HIVEP1: variants seen among roughly 807,000 people sequenced by gnomAD.
HIVEP1 encodes zinc finger protein 40.
HIVEP1 carries 36 observed loss-of-function variants against 180.0 expected under a neutral mutation model. The observed-to-expected ratio is 0.20, with a 90% CI of 0.15 to 0.26. The LOEUF is 0.26. Among genes scored for constraint, HIVEP1 ranks in the 10% least tolerant of loss-of-function variants. The pLI is 1.00. For missense variants in HIVEP1, 3,143 were observed against 3,268.7 expected, an observed-to-expected ratio of 0.96 and a Z score of 0.94; for synonymous variants, 1,239 against 1,239.0, an observed-to-expected ratio of 1.00 and a Z score of 0.00.
chr6:12,108,153 T>C (rs1165643038), intron 3 of HIVEP1, among the ~76,000 whole-genome samples: 1 of 152,098 alleles, frequency 6.6e-6, no homozygotes, highest in African/African-American at 2.4e-5. Context: ...AGTAGCTAGA[T>C]ACAGAGTGTC....
chr6:12,037,877 C>CT (rs754239009), intron 2 of HIVEP1: 12,782 of 315,240 alleles, frequency 0.041, no homozygotes, highest in East Asian at 0.052. Context: ...TGCCTAGCTA[C>CT]TTTTTTTTTT....
chr6:12,120,850 T>A lies in HIVEP1; in HGVS notation c.1055T>A (p.Met352Lys), dbSNP rs768866653. The A allele has an allele frequency of 1.2e-5, 19 of 1,614,156 alleles. No individual in the cohort carries two copies. The East Asian group carries it at 1.8e-4, about 15-fold the overall frequency. Residue 352 changes from methionine to lysine, a missense_variant, in exon 4 of 9, where the codon ATG (methionine) becomes AAG (lysine). This residue lies in a region of HIVEP1 where 306 missense variants were observed against 310.6 expected (regional missense o/e 0.99). Transcript: ENST00000379388. ...CAGGTTACTCCTCAAAACCAGCAAA[T>A]GGATTCTGCTTCACCTTTGTCAATA... The part of the protein sequence containing the change: ...RSQVTPQNQQ[M>K]DSASPLSISP...
At chr6:12,011,376 A>G (rs1327857525), upstream of HIVEP1, among the ~76,000 whole-genome samples, 1 of 148,516 alleles carries the variant, frequency 6.7e-6, no homozygotes, top group Non-Finnish European at 1.5e-5. Flanking sequence ...GTAGAAAGTA[A>G]AGAGACGGTA....
the HIVEP1 span, among the ~76,000 whole-genome samples, chr6:12,207,625 G>A: frequency 5.3e-5 from 8 of 151,632 alleles, no homozygotes; most frequent in Non-Finnish European, 8.8e-5. Flanking sequence ...TAGATTTGGC[G>A]GGGCATGGTG....
chr6:12,029,286 G>A (rs1768781510), intron 2 of HIVEP1, among the ~76,000 whole-genome samples: 2 of 152,172 alleles, frequency 1.3e-5, no homozygotes, highest in Admixed American at 6.5e-5. Flanking sequence ...GTGTGTTCCT[G>A]TTCTTTCACG....
Position 12,122,305 on chromosome 6 carries a change from C to A in HIVEP1, c.2510C>A (p.Thr837Lys), listed in dbSNP as rs767871910. Residue 837 changes from threonine (T) to lysine (K), a missense_variant, in exon 4 of 9, where the codon ACA (threonine) becomes AAA (lysine). Thr to Lys is a moderately conservative substitution (Grantham distance 78). Around this residue, in one of 12 missense-constraint regions of HIVEP1, gnomAD observed 204 missense variants for 243.7 expected, o/e 0.84. Coordinates refer to ENST00000379388, the MANE Select transcript of HIVEP1 (RefSeq NM_002114.4). Reference protein sequence around the residue: ...SVPSLDCLPITRSNSMPTTGY... With the variant: ...SVPSLDCLPIKRSNSMPTTGY... ...CCTTCACTTGACTGTTTACCTATCA[C>A]AAGAAGTAATTCCATGCCGACCACA... 1.2e-6 allele frequency: 2 copies of A among 1,614,214 alleles called. No individual in the cohort carries two copies. Among genetic ancestry groups the A allele is most frequent in the Non-Finnish European group, 1.7e-6 (2 of 1,180,014 alleles).
In HIVEP1 at chr6:12,163,531, T is replaced by C; in HGVS notation, c.7227T>C (p.Ala2409=). ...TTGGGGGGATCCATGTGGTACCTGC[T>C]GGCCTCACATACTCCACGTTTGTGC... ...VPVGGIHVVP[A]GLTYSTFVPL... is the part of the protein sequence containing the mutation. Residue 2409 remains alanine (A), a synonymous_variant, in exon 9 of 9, where the codon GCT becomes GCC. Coordinates refer to ENST00000379388, the MANE Select transcript of HIVEP1 (RefSeq NM_002114.4). 1 of 1,614,226 alleles carries C rather than the reference T, an allele frequency of 6.2e-7. No homozygotes were observed. The highest frequency in any genetic ancestry group is 8.5e-7 in the Non-Finnish European group (1 of 1,180,030).
At position 12,122,983 on chromosome 6, in the gene HIVEP1, C is replaced by G; in HGVS notation, c.3188C>G (p.Ala1063Gly). 1 of 1,614,032 alleles carries G rather than the reference C, an allele frequency of 6.2e-7. No homozygotes were observed. The highest frequency in any genetic ancestry group is 8.5e-7 in the Non-Finnish European group (1 of 1,179,908). Reference protein sequence around the residue: ...KSSEGLQFQNALGCNPSLPKH... With the variant: ...KSSEGLQFQNGLGCNPSLPKH... ...TCTGAAGGCCTTCAGTTTCAGAATG[C>G]TCTGGGCTGTAATCCCAGTTTGCCT... The change falls in exon 4 of 9, where the codon GCT becomes GGT. Residue 1063 changes from alanine (A) to glycine (G), a missense_variant. Transcript: ENST00000379388.
chr6:12,031,027 G>A (rs962441440), intron 2 of HIVEP1, among the ~76,000 whole-genome samples: 9 of 148,216 alleles, frequency 6.1e-5, no homozygotes, highest in African/African-American at 2.3e-4. Flanking sequence ...GCTTTCGTTT[G>A]TTTGTTTTTT....
chr6:12,202,181 G>T, the HIVEP1 span, among the ~76,000 whole-genome samples: 46 of 151,686 alleles, frequency 3.0e-4, no homozygotes, highest in Admixed American at 2.6e-4. Flanking sequence ...TTTGAGACAG[G>T]GTCTCATTCT....
intron 2 of HIVEP1, among the ~76,000 whole-genome samples, chr6:12,018,506 A>G (rs1284877105): frequency 6.6e-6 from 1 of 152,276 alleles, no homozygotes; most frequent in African/African-American, 2.4e-5. Context: ...AGGTCTCGAA[A>G]GAAGAATGGA....
At chr6:12,119,377 C>A (rs1271406643) in intron 3 of HIVEP1, among the ~76,000 whole-genome samples, 1 of 152,190 alleles carries the variant, frequency 6.6e-6, no homozygotes, top group African/African-American at 2.4e-5. Context: ...CAGAAAGTCC[C>A]TCATCTGGCA....
chr6:12,061,827 G>A (rs1771255179), intron 2 of HIVEP1, among the ~76,000 whole-genome samples: 1 of 152,040 alleles, frequency 6.6e-6, no homozygotes, highest in African/African-American at 2.4e-5. Context: ...TAAACACCAA[G>A]CTACAGTTTA....
At chr6:12,107,210 A>T (rs1255873332) in intron 3 of HIVEP1, among the ~76,000 whole-genome samples, 5 of 152,234 alleles carry the variant, frequency 3.3e-5, no homozygotes, top group Admixed American at 3.3e-4. Context: ...AATTTTTTTT[A>T]TTTCCCAGTG....
At position 12,161,059 on chromosome 6, in the gene HIVEP1, G is replaced by A. The variant is rs1305005573; in HGVS notation, c.6488-380G>A. Among the ~76,000 whole-genome samples the A allele has an allele frequency of 3.3e-5, 5 of 152,194 alleles. No homozygotes were observed. In the East Asian group the frequency reaches 7.7e-4, roughly 23 times the overall value. On this transcript the variant is annotated intron_variant, in intron 7 of 8. Transcript: ENST00000379388. ...GATACAAAATAGGGAAAAAGCTCAG[G>A]AAAAGAGTTGCGTTGAACTCTTTAT...
At chr6:12,184,585 G>A in the HIVEP1 span, among the ~76,000 whole-genome samples, 73 of 152,094 alleles carry the variant, frequency 4.8e-4, no homozygotes, top group Non-Finnish European at 8.8e-4. Context: ...GCTATTGATC[G>A]TTTCTTCCAT....
intron 3 of HIVEP1, among the ~76,000 whole-genome samples, chr6:12,111,336 A>C (rs1408218251): frequency 6.6e-6 from 1 of 152,220 alleles, no homozygotes; most frequent in Non-Finnish European, 1.5e-5. Flanking sequence ...AGCAAGGTAT[A>C]CCTGTATTCA....
At chr6:12,043,958 G>C (rs1287451650) in intron 2 of HIVEP1, among the ~76,000 whole-genome samples, 1 of 151,770 alleles carries the variant, frequency 6.6e-6, no homozygotes, top group Non-Finnish European at 1.5e-5. Flanking sequence ...GGTGGATCTC[G>C]GGTGTGGAGG....
rs762584691 is a variant in HIVEP1, at chr6:12,161,565, C to T, written c.6614C>T (p.Ala2205Val). 1.7e-5 allele frequency: 28 copies of T among 1,614,038 alleles called. No homozygotes were observed. The East Asian group carries it at 3.3e-4, about 19-fold the overall frequency. Residue 2205 changes from alanine to valine, a missense_variant, in exon 8 of 9, where the codon GCC (alanine) becomes GTC (valine). Coordinates refer to ENST00000379388, the MANE Select transcript of HIVEP1 (RefSeq NM_002114.4). ...EDSQAESVLS[A>V]TPSVTASPQH... ...AGCCAGGCTGAATCAGTCCTGTCAG[C>T]CACACCCTCAGTCACAGCTAGCCCG...
Sources: allele counts gnomAD v4.1 joint callset (sites outside exome capture counted in the v4.1 genomes callset), GRCh38; gene constraint gnomAD v4.1.1; regional missense constraint gnomAD v4.1.1; transcripts MANE v1.5; gene names NCBI Gene and HGNC (gene_info 2026-07-23, HGNC 2026-07-21).